RPGRIP1L: variants seen among roughly 807,000 people sequenced by gnomAD.
RPGRIP1L encodes protein fantom.
RPGRIP1L carries 131 observed loss-of-function variants against 160.4 expected under a neutral mutation model. The observed-to-expected ratio is 0.82, with a 90% CI of 0.71 to 0.94. The LOEUF (loss-of-function observed/expected upper bound fraction) is 0.94. Ranked by LOEUF, RPGRIP1L falls within the 40% of genes least tolerant of loss-of-function variation. The pLI, the probability that RPGRIP1L is intolerant of heterozygous loss-of-function variation, is 0.00. For synonymous variants in RPGRIP1L, 510 were observed against 515.8 expected (o/e 0.99, Z 0.15); for missense variants, 1,522 against 1,535.8 (o/e 0.99, Z 0.15).
chr16:53,652,078 AT>A (rs149896787), intron 15 of RPGRIP1L, among the ~76,000 whole-genome samples: 6 of 149,940 alleles, frequency 4.0e-5, no homozygotes, highest in Admixed American at 6.7e-5. Flanking sequence ...CATCAATGAC[AT>A]TTTTTTTTTG....
At chr16:53,659,136 G>A (rs1967543345) in intron 10 of RPGRIP1L, 1 of 684,684 alleles carries the variant, frequency 1.5e-6, no homozygotes, top group Non-Finnish European at 2.0e-6. Flanking sequence ...AGGAAATTGT[G>A]GCCTCTGGGA....
chr16:53,636,630 T>C lies in RPGRIP1L; in HGVS notation c.3221-118A>G, dbSNP rs1965852801. 1.4e-5 allele frequency: 9 copies of C among 632,568 alleles called. No individual in the cohort carries two copies. In the South Asian group the frequency reaches 2.0e-4, roughly 14 times the overall value. The allele number at this position is 632,568 out of a possible 1,614,324, so 39.2% of individuals were successfully genotyped here. A position where few individuals can be genotyped will look rare whatever the true frequency, so the allele number is the denominator to read the frequency against. On this transcript the variant is annotated intron_variant, in intron 21 of 26. Coordinates refer to ENST00000647211, the MANE Select transcript of RPGRIP1L (RefSeq NM_015272.5). Reference sequence around the variant, plus strand: ...ATAACCTTAAGAAACATGGTAATTATACCTAGATCTTTTTTAGTAGCAAAT... The same window carrying C: ...ATAACCTTAAGAAACATGGTAATTACACCTAGATCTTTTTTAGTAGCAAAT...
At chr16:53,648,866 G>T (rs1277783240) in intron 16 of RPGRIP1L, 98 bp downstream of exon 16, 2 of 1,108,134 alleles carry the variant, frequency 1.8e-6, no homozygotes, top group Admixed American at 3.6e-5. Flanking sequence ...AAAGACACTT[G>T]ATGGCTGTGA....
intron 23 of RPGRIP1L, among the ~76,000 whole-genome samples, chr16:53,620,038 C>T (rs1489785529): frequency 6.6e-6 from 1 of 152,018 alleles, no homozygotes; most frequent in Non-Finnish European, 1.5e-5. Flanking sequence ...TAAAGTTTGT[C>T]CTTTAGTATC....
intron 14 of RPGRIP1L, among the ~76,000 whole-genome samples, chr16:53,655,938 T>G (rs1419835801): frequency 1.3e-5 from 2 of 152,094 alleles, no homozygotes; most frequent in Admixed American, 6.6e-5. Context: ...GAAAGGAGGT[T>G]TAGGCAGAGC....
intron 22 of RPGRIP1L, among the ~76,000 whole-genome samples, chr16:53,622,928 G>T (rs1447577995): frequency 6.6e-6 from 1 of 152,004 alleles, no homozygotes; most frequent in African/African-American, 2.4e-5. Context: ...GAGCCTGAGA[G>T]GTTGGGGCTG....
chr16:53,683,446 C>T (rs1969751579), intron 6 of RPGRIP1L, among the ~76,000 whole-genome samples: 1 of 152,032 alleles, frequency 6.6e-6, no homozygotes, highest in Non-Finnish European at 1.5e-5. Context: ...CAAAGAACTA[C>T]TGTGATTTTT....
At chr16:53,660,750 G>A (rs1444964731) in intron 10 of RPGRIP1L, among the ~76,000 whole-genome samples, 1 of 151,422 alleles carries the variant, frequency 6.6e-6, no homozygotes, top group Non-Finnish European at 1.5e-5. Context: ...AAAATTAGCT[G>A]GGCATGGTGG....
At chr16:53,694,393 T>G (rs887281679) in intron 3 of RPGRIP1L, 3 of 135,248 alleles carry the variant, frequency 2.2e-5, no homozygotes, top group Non-Finnish European at 4.6e-5. Flanking sequence ...GCCGAGATCT[T>G]ACCACTGCAC....
chr16:53,697,159 G>A (rs919389713), intron 2 of RPGRIP1L, among the ~76,000 whole-genome samples: 6 of 151,772 alleles, frequency 4.0e-5, no homozygotes, highest in Non-Finnish European at 7.4e-5. Context: ...CTGCACTCCA[G>A]CCTGGGTGAG....
intron 3 of RPGRIP1L, chr16:53,695,028 C>A (rs1403168944): frequency 3.1e-6 from 1 of 321,304 alleles, no homozygotes; most frequent in Non-Finnish European, 5.7e-6. Context: ...TGCATACATA[C>A]AACTTGATTC....
rs148773489 is a variant in RPGRIP1L at position 53,605,571 on chromosome 16, C to T, written c.3745G>A (p.Asp1249Asn). The change falls in exon 26 of 27, where the codon GAC (aspartate) becomes AAC (asparagine). Residue 1249 changes from aspartate (D) to asparagine (N), a missense_variant. Transcript: ENST00000647211. ...VVSDPPEDEQ[D>N]LECEDIGVAH... ...ACGCCAATGTCCTCACACTCCAGGT[C>T]CTGCTCGTCCTCTGGAGGGTCACTG... 6.2e-7 allele frequency: 1 copy of T among 1,614,044 alleles called. No homozygotes were observed. Among genetic ancestry groups the T allele is most frequent in the African/African-American group, 1.3e-5 (1 of 75,044 alleles).
At chr16:53,696,077 T>C in intron 3 of RPGRIP1L, 74 bp downstream of exon 3, 1 of 1,438,078 alleles carries the variant, frequency 7.0e-7, no homozygotes, top group South Asian at 1.2e-5. Context: ...GGGTATTCAA[T>C]TAAGTTTATA....
intron 5 of RPGRIP1L, among the ~76,000 whole-genome samples, 192 bp downstream of exon 5, chr16:53,687,671 G>C (rs911693130): frequency 3.3e-5 from 5 of 151,942 alleles, no homozygotes; most frequent in South Asian, 2.1e-4. Flanking sequence ...CTTCCATTGA[G>C]GCAGCTGGAT....
chr16:53,690,448 G>C (rs1413699669), intron 4 of RPGRIP1L, among the ~76,000 whole-genome samples: 5 of 152,056 alleles, frequency 3.3e-5, no homozygotes, highest in Admixed American at 2.0e-4. Context: ...CACCTGCCTT[G>C]ACCTCCCAAA....
At chr16:53,646,687 G>A (rs1966570710) in intron 16 of RPGRIP1L, among the ~76,000 whole-genome samples, 2 of 152,164 alleles carry the variant, frequency 1.3e-5, no homozygotes, top group South Asian at 2.1e-4. Context: ...ATCTTCCATG[G>A]CTGATGTAAT....
chr16:53,697,329 CTCTCCCTCTCCCCACGG>C (rs1429645830), intron 2 of RPGRIP1L, among the ~76,000 whole-genome samples: 58 of 151,524 alleles, frequency 3.8e-4, no homozygotes, highest in African/African-American at 1.2e-3. Flanking sequence ...CTCCCTCTCC[CTCTCCCTCTCCCCACGG>C]TCTCCCTCTC....
intron 6 of RPGRIP1L, among the ~76,000 whole-genome samples, chr16:53,683,147 A>T (rs1969729564): frequency 6.6e-6 from 1 of 152,010 alleles, no homozygotes; most frequent in Non-Finnish European, 1.5e-5. Flanking sequence ...TTACCACATA[A>T]GTTTAGTTTG....
chr16:53,634,697 T>C (rs1965725784), intron 22 of RPGRIP1L, among the ~76,000 whole-genome samples: 1 of 152,218 alleles, frequency 6.6e-6, no homozygotes, highest in African/African-American at 2.4e-5. Flanking sequence ...ACACATGCTC[T>C]AGCTCCCCTT....
Sources: allele counts gnomAD v4.1 joint callset (sites outside exome capture counted in the v4.1 genomes callset), GRCh38; gene constraint gnomAD v4.1.1; transcripts MANE v1.5; gene names NCBI Gene and HGNC (gene_info 2026-07-23, HGNC 2026-07-21).